The following ME1 variants were observed in gnomAD, a reference collection of about 807,000 sequenced individuals.
The protein encoded by ME1 is NADP-dependent malic enzyme.
Under a neutral mutation model 66.4 loss-of-function variants are expected in ME1, and 74 were observed. The ratio of observed to expected loss-of-function variants is 1.11; its 90% CI spans 0.92 to 1.35. The LOEUF (loss-of-function observed/expected upper bound fraction) is 1.35. Among genes scored for constraint, ME1 ranks in the 40% most tolerant of loss-of-function variants. The pLI is 0.00. For missense variants in ME1, 750 were observed against 694.1 expected (o/e 1.08, Z -0.90); for synonymous variants, 251 against 235.6 (o/e 1.07, Z -0.60).
intron 6 of ME1, among the ~76,000 whole-genome samples, chr6:83,254,180 G>GA (rs1373256446): frequency 2.6e-5 from 4 of 151,944 alleles, no homozygotes; most frequent in Admixed American, 6.6e-5. Context: ...ATAAGCTGAG[G>GA]AAAAATAGAA....
At chr6:83,311,052 C>T (rs1767921427) in intron 6 of ME1, among the ~76,000 whole-genome samples, 2 of 152,164 alleles carry the variant, frequency 1.3e-5, no homozygotes, top group South Asian at 4.1e-4. Context: ...AAGTGGCCTT[C>T]CCCTTCTTTC....
intron 13 of ME1, among the ~76,000 whole-genome samples, chr6:83,216,133 C>G (rs140888622): frequency 0.014 from 2,083 of 152,244 alleles, 17 homozygotes; most frequent in Non-Finnish European, 0.019. Flanking sequence ...CTAAATGTTA[C>G]TCTAACATAT....
At chr6:83,279,548 T>A (rs1488788486) in intron 6 of ME1, among the ~76,000 whole-genome samples, 1 of 152,058 alleles carries the variant, frequency 6.6e-6, no homozygotes, top group Non-Finnish European at 1.5e-5. Context: ...AAGGAAAGCA[T>A]TTGTGTGCTC....
intron 11 of ME1, among the ~76,000 whole-genome samples, chr6:83,224,574 C>G (rs1790149969): frequency 1.3e-5 from 2 of 150,574 alleles, no homozygotes. Flanking sequence ...AGCCCAGCTA[C>G]TTGAGAGGCT....
At chr6:83,329,602 T>C (rs1046332779) in intron 5 of ME1, among the ~76,000 whole-genome samples, 10 of 152,218 alleles carry the variant, frequency 6.6e-5, no homozygotes, top group Admixed American at 5.2e-4. Flanking sequence ...ACCTGCTATA[T>C]GTGTGTCTCT....
chr6:83,369,528 A>C (rs1249696886), intron 3 of ME1, among the ~76,000 whole-genome samples: 1 of 152,024 alleles, frequency 6.6e-6, no homozygotes, highest in Non-Finnish European at 1.5e-5. Flanking sequence ...TAGAAAAATG[A>C]TCCTTCTATC....
chr6:83,393,279 C>A, intron 3 of ME1: 1 of 1,212,302 alleles, frequency 8.2e-7, no homozygotes, highest in Non-Finnish European at 1.2e-6. Flanking sequence ...CCCACTCTTC[C>A]ACCTTCGATG....
intron 13 of ME1, 101 bp from the exon 14 acceptor site, chr6:83,212,195 T>C (rs996200000): frequency 6.7e-6 from 5 of 744,256 alleles, no homozygotes; most frequent in South Asian, 6.4e-5. Flanking sequence ...CTGTATCCTA[T>C]GTTTGCAAAA....
chr6:83,264,194 G>C (rs926245520), intron 6 of ME1, among the ~76,000 whole-genome samples: 5 of 152,024 alleles, frequency 3.3e-5, no homozygotes, highest in Non-Finnish European at 7.4e-5. Flanking sequence ...ACAAAGCCTG[G>C]GTAACAACAT....
In ME1 at chr6:83,315,414, C is replaced by T. The variant is rs775833118; in HGVS notation, c.601-1G>A. The T allele has an allele frequency of 2.0e-6, 3 of 1,538,270 alleles. No homozygotes were observed. The highest frequency in any genetic ancestry group is 1.2e-5 in the South Asian group (1 of 84,616). On this transcript the variant is annotated splice_acceptor_variant, in intron 5 of 13. Coordinates refer to ENST00000369705, the MANE Select transcript of ME1 (RefSeq NM_002395.6). LOFTEE classifies it high-confidence loss of function. ...TGTAGAGTGGATCTTTAAGTAACTC[C>T]TATTAAAAAAAGTTACCATAAAAAT...
intron 6 of ME1, among the ~76,000 whole-genome samples, chr6:83,272,052 C>A (rs1265495653): frequency 2.6e-5 from 4 of 152,104 alleles, no homozygotes. Context: ...CACAATTTTG[C>A]ATTTCAAGTT....
chr6:83,428,185 CAA>C (rs1258117352), intron 1 of ME1, among the ~76,000 whole-genome samples: 1 of 151,886 alleles, frequency 6.6e-6, no homozygotes, highest in Non-Finnish European at 1.5e-5. Context: ...AAATTACACA[CAA>C]AAAGGAAAGA....
intron 12 of ME1, among the ~76,000 whole-genome samples, chr6:83,221,458 G>A (rs1236497462): frequency 1.3e-5 from 2 of 152,206 alleles, no homozygotes; most frequent in Non-Finnish European, 2.9e-5. Flanking sequence ...TATGCATGGT[G>A]TGTTTGAAGG....
rs748274488 is a variant in ME1, at chr6:83,407,794, G to A, written c.186C>T (p.Phe62=). The change falls in exon 2 of 14, where the codon TTC becomes TTT. Residue 62 remains phenylalanine (F), a synonymous_variant. Transcript: ENST00000369705. ...EIQVLRVVKN[F]EHLNSDFDRY... The stretch of plus-strand genomic sequence containing the variant: ...TGTCAAAGTCAGAGTTCAGATGCTC[G>A]AAATTTTTTACTACTCTAAGAACCT... 3.0e-5 allele frequency: 48 copies of A among 1,608,046 alleles called. No individual in the cohort carries two copies. The highest frequency in any genetic ancestry group is 6.7e-5 in the East Asian group (3 of 44,814).
chr6:83,356,769 A>C (rs903684170), intron 3 of ME1, among the ~76,000 whole-genome samples: 7 of 152,062 alleles, frequency 4.6e-5, no homozygotes, highest in African/African-American at 1.7e-4. Context: ...CTGAACTATG[A>C]TTTAAATAGC....
At chr6:83,274,394 T>C (rs960109746) in intron 6 of ME1, among the ~76,000 whole-genome samples, 12 of 152,192 alleles carry the variant, frequency 7.9e-5, no homozygotes, top group Non-Finnish European at 1.3e-4. Flanking sequence ...ATTGAAGGAT[T>C]TGATCTTTTG....
chr6:83,265,148 G>T (rs905732992), intron 6 of ME1, among the ~76,000 whole-genome samples: 6 of 152,156 alleles, frequency 3.9e-5, no homozygotes, highest in African/African-American at 1.4e-4. Context: ...CCAGCAAAAA[G>T]ATTATGACTC....
At chr6:83,384,932 T>G (rs979655675) in intron 3 of ME1, among the ~76,000 whole-genome samples, 9 of 151,902 alleles carry the variant, frequency 5.9e-5, no homozygotes, top group Non-Finnish European at 1.3e-4. Flanking sequence ...ATGACCTGGT[T>G]GTGGGTATGT....
At chr6:83,409,120 C>A (rs1233820860) in intron 1 of ME1, among the ~76,000 whole-genome samples, 1 of 152,162 alleles carries the variant, frequency 6.6e-6, no homozygotes, top group Non-Finnish European at 1.5e-5. Context: ...AGGAAGCAGA[C>A]CCCTCACCAA....
Sources: gnomAD v4.1 joint callset for allele counts (sites outside exome capture counted in the v4.1 genomes callset) on GRCh38, gnomAD v4.1.1 for gene constraint, MANE v1.5 for transcripts, NCBI Gene and HGNC (gene_info 2026-07-23, HGNC 2026-07-21) for gene names.